Variants in ATP2C2 observed in about 807,000 individuals in gnomAD.
ATP2C2 encodes the protein ATPase secretory pathway Ca2+ transporting 2.
ATP2C2 carries 171 observed loss-of-function variants against 110.8 expected under a neutral mutation model. The observed-to-expected ratio is 1.54, with a 90% CI of 1.36 to 1.75. ATP2C2 has a LOEUF of 1.75. Ranked by LOEUF, ATP2C2 falls within the 40% of genes most tolerant of loss-of-function variation. ATP2C2 has a pLI of 0.00. For synonymous variants in ATP2C2, 804 were observed against 508.4 expected (o/e 1.58, Z -7.82); for missense variants, 1,963 against 1,235.0 (o/e 1.59, Z -8.84).
chr16:84,454,892 A>G lies in ATP2C2; in HGVS notation c.2055A>G (p.Ala685=), dbSNP rs1482616272. 1 of 1,614,078 alleles carries G rather than the reference A, an allele frequency of 6.2e-7. No homozygotes were observed. The highest frequency in any genetic ancestry group is 2.2e-5 in the East Asian group (1 of 44,868). ...ACGACGCAGTGGCCCTGAAGTCTGC[A>G]GACATTGGGATCGCCATGGGGCAGA... is the stretch of plus-strand genomic sequence containing the variant. ...GVNDAVALKS[A]DIGIAMGQTG... is the part of the protein sequence containing the mutation. Residue 685 remains alanine, a synonymous_variant, in exon 21 of 27, where the codon GCA becomes GCG. Coordinates refer to ENST00000262429, the MANE Select transcript of ATP2C2 (RefSeq NM_014861.4).
chr16:84,411,422 C>G (rs1003000831), intron 6 of ATP2C2, among the ~76,000 whole-genome samples: 2 of 152,142 alleles, frequency 1.3e-5, no homozygotes, highest in African/African-American at 4.8e-5. Flanking sequence ...CTGCCCTGTC[C>G]AATATGGCAT....
At chr16:84,435,685 G>T (rs1230622627) in intron 11 of ATP2C2, among the ~76,000 whole-genome samples, 1 of 142,390 alleles carries the variant, frequency 7.0e-6, no homozygotes, top group Admixed American at 7.2e-5. Context: ...AAATTAGGGA[G>T]TAAATAGTGG....
At chr16:84,443,001 G>A (rs958250882) in intron 15 of ATP2C2, among the ~76,000 whole-genome samples, 4 of 152,122 alleles carry the variant, frequency 2.6e-5, no homozygotes, top group African/African-American at 9.7e-5. Flanking sequence ...TTCAGTGTTA[G>A]ACCCTGAGCT....
At chr16:84,450,112 A>T (rs1217455363) in intron 17 of ATP2C2, among the ~76,000 whole-genome samples, 1 of 152,268 alleles carries the variant, frequency 6.6e-6, no homozygotes, top group Non-Finnish European at 1.5e-5. Context: ...AGAACGGGTC[A>T]GTGGCGGAGG....
chr16:84,370,465 G>C (rs559706554), intron 1 of ATP2C2, among the ~76,000 whole-genome samples: 1 of 152,172 alleles, frequency 6.6e-6, no homozygotes, highest in African/African-American at 2.4e-5. Context: ...CCAGGAAATG[G>C]CAATGAAGAT....
At chr16:84,420,027 A>T (rs76680098) in intron 7 of ATP2C2, among the ~76,000 whole-genome samples, 3,893 of 152,194 alleles carry the variant, frequency 0.026, 54 homozygotes, top group Middle Eastern at 0.048. Flanking sequence ...AAAGCCTGAT[A>T]AGTTTTCGCT....
chr16:84,454,798 A>C lies in ATP2C2; in HGVS notation c.1981-20A>C, dbSNP rs761537074. 2.6e-6 allele frequency: 4 copies of C among 1,565,510 alleles called. No individual in the cohort carries two copies. Among genetic ancestry groups the C allele is most frequent in the Non-Finnish European group, 3.5e-6 (4 of 1,157,616 alleles). On this transcript the variant is annotated intron_variant, in intron 20 of 26. Transcript: ENST00000262429. The stretch of plus-strand genomic sequence containing the variant: ...GGTGGTCGTCAGGCTGCAGGCCTTC[A>C]TTGCCTGCTCTTTCCAAAGGCTCTG...
At chr16:84,409,492 C>G (rs911353600) in intron 4 of ATP2C2, among the ~76,000 whole-genome samples, 7 of 152,228 alleles carry the variant, frequency 4.6e-5, no homozygotes, top group Non-Finnish European at 7.4e-5. Context: ...CCTTTTGTAT[C>G]TGGCTTCTCC....
At chr16:84,440,240 C>G (rs995840994) in intron 13 of ATP2C2, among the ~76,000 whole-genome samples, 1 of 152,238 alleles carries the variant, frequency 6.6e-6, no homozygotes, top group Non-Finnish European at 1.5e-5. Flanking sequence ...TCAAGGGATC[C>G]TCCCACCTCA....
intron 26 of ATP2C2, among the ~76,000 whole-genome samples, chr16:84,463,387 T>C (rs1911590577): frequency 6.6e-6 from 1 of 152,126 alleles, no homozygotes; most frequent in African/African-American, 2.4e-5. Context: ...AGACCCACCC[T>C]GTGCTCTGGA....
intron 13 of ATP2C2, 150 bp from the exon 14 acceptor site, chr16:84,440,707 A>C: frequency 1.5e-6 from 1 of 646,472 alleles, no homozygotes; most frequent in Non-Finnish European, 2.8e-6. Context: ...ATTAATCAAT[A>C]ATCTTTCAGA....
chr16:84,375,885 A>G (rs1910221566), intron 1 of ATP2C2, among the ~76,000 whole-genome samples: 1 of 152,108 alleles, frequency 6.6e-6, no homozygotes, highest in Non-Finnish European at 1.5e-5. Flanking sequence ...AATAAAGAGG[A>G]AGTCTGAACA....
At chr16:84,397,667 A>C (rs1158556098) in intron 1 of ATP2C2, among the ~76,000 whole-genome samples, 1 of 147,606 alleles carries the variant, frequency 6.8e-6, no homozygotes, top group Non-Finnish European at 1.5e-5. Flanking sequence ...AAAAAAAAAA[A>C]AAAAAACTTG....
At chr16:84,419,501 T>C (rs1002802008) in intron 7 of ATP2C2, among the ~76,000 whole-genome samples, 2 of 152,188 alleles carry the variant, frequency 1.3e-5, no homozygotes, top group African/African-American at 4.8e-5. Flanking sequence ...GTTAGTCACG[T>C]CTGCATAGTC....
chr16:84,425,920 C>T, intron 11 of ATP2C2, 119 bp downstream of exon 11: 3 of 1,251,990 alleles, frequency 2.4e-6, no homozygotes, highest in African/African-American at 1.5e-5. Context: ...AGGTGCAGCC[C>T]CGTCACCCAA....
At chr16:84,417,822 A>G (rs776075195) in intron 7 of ATP2C2, among the ~76,000 whole-genome samples, 1 of 152,368 alleles carries the variant, frequency 6.6e-6, no homozygotes, top group East Asian at 1.9e-4. Context: ...GTATTCTGCA[A>G]TTCCATTAAA....
At chr16:84,433,956 C>G (rs755950352) in intron 11 of ATP2C2, among the ~76,000 whole-genome samples, 1 of 152,134 alleles carries the variant, frequency 6.6e-6, no homozygotes, top group Non-Finnish European at 1.5e-5. Flanking sequence ...CACTTTCCCC[C>G]TCTCATTTGT....
rs543736925 is a variant in ATP2C2 at position 84,411,209 on chromosome 16, A to G, written c.515+444A>G. Among the ~76,000 whole-genome samples, 31 of 152,294 alleles carry G rather than the reference A, an allele frequency of 2.0e-4. No homozygotes were observed. In the East Asian group the frequency reaches 5.6e-3, roughly 27 times the overall value. ...CATTGGCTGCAGCATAGGGTATAGG[A>G]AGAGTGAACTTGAGTAACTACTCAG... On this transcript the variant is annotated intron_variant, in intron 6 of 26. Coordinates refer to ENST00000262429, the MANE Select transcript of ATP2C2 (RefSeq NM_014861.4).
chr16:84,392,713 T>G (rs1252745888), intron 1 of ATP2C2, among the ~76,000 whole-genome samples: 1 of 152,236 alleles, frequency 6.6e-6, no homozygotes, highest in Non-Finnish European at 1.5e-5. Context: ...TCTGCCTGCC[T>G]TGGCCTCTCA....
Sources: gnomAD v4.1 joint callset for allele counts (sites outside exome capture counted in the v4.1 genomes callset) on GRCh38, gnomAD v4.1.1 for gene constraint, MANE v1.5 for transcripts, NCBI Gene and HGNC (gene_info 2026-07-23, HGNC 2026-07-21) for gene names.